The following PROS1 variants were observed in gnomAD, a reference collection of about 807,000 sequenced individuals.
The protein encoded by PROS1 is vitamin K-dependent protein S.
PROS1 carries 29 observed loss-of-function variants against 75.9 expected under a neutral mutation model. That is an observed-to-expected ratio of 0.38 (90% CI 0.28 to 0.52). The LOEUF (loss-of-function observed/expected upper bound fraction) is 0.52, where lower values mean the gene tolerates loss of function less well. Among genes scored for constraint, PROS1 ranks in the 20% least tolerant of loss-of-function variants. The pLI is 0.83. For synonymous variants in PROS1, 245 were observed against 280.6 expected, an observed-to-expected ratio of 0.87 and a Z score of 1.27; for missense variants, 680 against 810.3, an observed-to-expected ratio of 0.84 and a Z score of 1.95.
intron 2 of PROS1, among the ~76,000 whole-genome samples, chr3:93,925,981 TCCA>T (rs927552859): frequency 3.3e-5 from 5 of 152,080 alleles, no homozygotes; most frequent in African/African-American, 9.7e-5. Context: ...TCTTTCCTCC[TCCA>T]CATCAAGGTC....
chr3:93,942,249 G>C (rs1186829772), intron 1 of PROS1, among the ~76,000 whole-genome samples: 2 of 151,966 alleles, frequency 1.3e-5, no homozygotes, highest in Non-Finnish European at 2.9e-5. Flanking sequence ...GCCTTAACTA[G>C]AGCCCTCACT....
intron 12 of PROS1, among the ~76,000 whole-genome samples, chr3:93,884,148 C>T (rs1237629308): frequency 6.6e-6 from 1 of 151,980 alleles, no homozygotes; most frequent in Non-Finnish European, 1.5e-5. Context: ...GTAAGATGCC[C>T]AAATCTAAAC....
At chr3:93,916,643 G>A (rs1708853598) in intron 3 of PROS1, among the ~76,000 whole-genome samples, 1 of 152,106 alleles carries the variant, frequency 6.6e-6, no homozygotes, top group South Asian at 2.1e-4. Flanking sequence ...AAAGTTGGAG[G>A]GAGATTGTCT....
chr3:93,900,257 A>T (rs1293471933), intron 7 of PROS1, among the ~76,000 whole-genome samples: 3 of 152,214 alleles, frequency 2.0e-5, no homozygotes, highest in Admixed American at 1.3e-4. Flanking sequence ...CTCTGACATT[A>T]CCGATCAGTA....
intron 1 of PROS1, among the ~76,000 whole-genome samples, chr3:93,959,293 G>A (rs1402319302): frequency 6.6e-6 from 1 of 152,056 alleles, no homozygotes; most frequent in African/African-American, 2.4e-5. Context: ...CAACCTGGGG[G>A]ACAGAGCAAG....
intron 1 of PROS1, among the ~76,000 whole-genome samples, chr3:93,950,409 T>A (rs895897830): frequency 6.6e-6 from 1 of 152,104 alleles, no homozygotes; most frequent in African/African-American, 2.4e-5. Flanking sequence ...GACCCCCAAG[T>A]AGCTTAACTG....
At chr3:93,896,931 C>T (rs975162217) in intron 8 of PROS1, among the ~76,000 whole-genome samples, 2 of 152,264 alleles carry the variant, frequency 1.3e-5, no homozygotes, top group Admixed American at 6.5e-5. Context: ...ATGTGCATGG[C>T]TTTCGATCTT....
At chr3:93,915,965 C>T (rs1708841835) in intron 3 of PROS1, among the ~76,000 whole-genome samples, 1 of 152,042 alleles carries the variant, frequency 6.6e-6, no homozygotes, top group Admixed American at 6.6e-5. Flanking sequence ...TCGTCTTAGG[C>T]CTTTTTGTAT....
intron 1 of PROS1, among the ~76,000 whole-genome samples, chr3:93,930,683 G>A (rs1709093524): frequency 6.6e-6 from 1 of 152,170 alleles, no homozygotes; most frequent in African/African-American, 2.4e-5. Flanking sequence ...ACCCAGAATA[G>A]CCAAGGTTTT....
Position 93,900,923 on chromosome 3 carries a change from T to C in PROS1, c.608A>G (p.Asp203Gly). Residue 203 changes from aspartate (D) to glycine (G), a missense_variant, in exon 7 of 15, where the codon GAT becomes GGT. Transcript: ENST00000394236. ...AATGCTTGGCTTCAAAGAGCATTCATCCACATCTATAAATAAAATCACTAT... is the reference window on the plus strand; with the variant it reads ...AATGCTTGGCTTCAAAGAGCATTCACCCACATCTATAAATAAAATCACTAT... ...LSNKKDCKDV[D>G]ECSLKPSICG... The C allele has an allele frequency of 6.2e-7, 1 of 1,613,844 alleles. No homozygotes were observed.
chr3:93,948,523 T>C lies in PROS1; in HGVS notation c.77-21116A>G, dbSNP rs143614083. ...GACAATGGGGTGTTAAAGTCTCCCA[T>C]TATTATTGTGTGGGAGTCTAAGTCT... is the stretch of plus-strand genomic sequence containing the variant. On this transcript the variant is annotated intron_variant, in intron 1 of 14. Transcript: ENST00000394236. Among the ~76,000 whole-genome samples, 584 of 152,304 alleles carry C rather than the reference T, an allele frequency of 3.8e-3. 1 individual carries two copies. The highest frequency in any genetic ancestry group is 7.9e-3 in the South Asian group (38 of 4,832).
intron 14 of PROS1, among the ~76,000 whole-genome samples, 177 bp from the exon 15 acceptor site, chr3:93,874,582 G>A (rs1014481074): frequency 1.3e-5 from 2 of 152,060 alleles, no homozygotes; most frequent in African/African-American, 4.8e-5. Context: ...ACATGTTACT[G>A]TACTTCATTG....
intron 1 of PROS1, among the ~76,000 whole-genome samples, chr3:93,970,762 A>C (rs562581848): frequency 1.3e-5 from 2 of 152,270 alleles, no homozygotes; most frequent in African/African-American, 4.8e-5. Flanking sequence ...TTTTATTTTT[A>C]AAACAAATAA....
At position 93,884,813 on chromosome 3, in the gene PROS1, T is replaced by A; in HGVS notation, c.1407A>T (p.Glu469Asp). The A allele has an allele frequency of 6.2e-7, 1 of 1,613,872 alleles. No homozygotes were observed. Among genetic ancestry groups the A allele is most frequent in the Non-Finnish European group, 8.5e-7 (1 of 1,179,870 alleles). Residue 469 changes from glutamate (E) to aspartate (D), a missense_variant, in exon 12 of 15, where the codon GAA becomes GAT. Physicochemically the swap from Glu to Asp is conservative, Grantham distance 45. Transcript: ENST00000394236. ...GASGIKEIIQ[E>D]KQNKHCLVTV... is the part of the protein sequence containing the mutation. ...TAACCAGGCAATGCTTATTTTGTTT[T>A]TCTTGAATAATTTCCTTTATTCCAG...
At chr3:93,960,957 GT>G (rs1182032238) in intron 1 of PROS1, among the ~76,000 whole-genome samples, 1 of 150,750 alleles carries the variant, frequency 6.6e-6, no homozygotes. Flanking sequence ...AACAAAGGCG[GT>G]TTTTTAAATA....
At position 93,960,532 on chromosome 3, in the gene PROS1, C is replaced by CTTTTTTTTTT. The variant is rs774875701; in HGVS notation, c.76+13132_76+13141dup. 2.4e-4 allele frequency among the ~76,000 whole-genome samples: 12 copies of CTTTTTTTTTT among 50,118 alleles called. 2 individuals carry two copies. Among genetic ancestry groups the CTTTTTTTTTT allele is most frequent in the African/African-American group, 6.5e-4 (7 of 10,806 alleles). 32.9% of individuals were successfully genotyped at this position (50,118 alleles called of 152,430 possible). A position where few individuals can be genotyped will look rare whatever the true frequency, so the allele number is the denominator to read the frequency against. ...AAACAAGTACACCACCTCCATTGCT[C>CTTTTTTTTTT]TTTTTTTTTTTTTTTTTTTTTTTTT... On this transcript the variant is annotated intron_variant, in intron 1 of 14. Transcript: ENST00000394236.
At chr3:93,965,615 A>G (rs1406097471) in intron 1 of PROS1, among the ~76,000 whole-genome samples, 3 of 152,168 alleles carry the variant, frequency 2.0e-5, no homozygotes, top group Non-Finnish European at 2.9e-5. Flanking sequence ...GCTGCCTGCC[A>G]CCATCTTGGA....
chr3:93,911,897 A>G (rs1708764245), intron 3 of PROS1, among the ~76,000 whole-genome samples: 2 of 152,202 alleles, frequency 1.3e-5, no homozygotes, highest in African/African-American at 4.8e-5. Context: ...CTTGATGAGG[A>G]CACAGCAAAA....
At position 93,934,256 on chromosome 3, in the gene PROS1, ATGTATTT is replaced by A. The variant is rs536241882; in HGVS notation, c.77-6856_77-6850del. Among the ~76,000 whole-genome samples, 1,052 of 152,246 alleles carry A rather than the reference ATGTATTT, an allele frequency of 6.9e-3. 8 individuals carry two copies. The highest frequency in any genetic ancestry group is 0.024 in the African/African-American group (989 of 41,556). Reference sequence around the variant, plus strand: ...GGTAAAAATGGCTGTATATTCAAAAATGTATTTAAAATAATTACATTAACTATAAAAT... The same window carrying A: ...GGTAAAAATGGCTGTATATTCAAAAAAAAATAATTACATTAACTATAAAAT... On this transcript the variant is annotated intron_variant, in intron 1 of 14. Coordinates refer to ENST00000394236, the MANE Select transcript of PROS1 (RefSeq NM_000313.4).
Sources: gnomAD v4.1 joint callset for allele counts (sites outside exome capture counted in the v4.1 genomes callset) on GRCh38, gnomAD v4.1.1 for gene constraint, MANE v1.5 for transcripts, NCBI Gene and HGNC (gene_info 2026-07-23, HGNC 2026-07-21) for gene names.